OR52R1: variants seen among roughly 807,000 people sequenced by gnomAD.
OR52R1 encodes the protein olfactory receptor 52R1.
For missense variants in OR52R1, 432 were observed against 395.1 expected (o/e 1.09, Z -0.79); for synonymous variants, 159 against 150.1 (o/e 1.06, Z -0.43).
rs538354804 is a variant in OR52R1 at position 4,804,315 on chromosome 11, G to A, written c.66C>T (p.Gly22=). The change falls in exon 1 of 1, where the codon GGC becomes GGT. Residue 22 remains glycine, a synonymous_variant. Coordinates refer to ENST00000624978, the MANE Select transcript of OR52R1 (RefSeq NM_001005177.3). ...PVSFILLGIP[G]LESFQLWIAF... Reference sequence around the variant, plus strand: ...CAATCCACAACTGGAAACTCTCCAGGCCTGGGATTCCAAGCAGGATGAAGG... The same window carrying A: ...CAATCCACAACTGGAAACTCTCCAGACCTGGGATTCCAAGCAGGATGAAGG... 6.4e-5 allele frequency: 104 copies of A among 1,614,012 alleles called. 2 individuals carry two copies. The highest frequency in any genetic ancestry group is 5.8e-4 in the South Asian group (53 of 91,086).
chr11:4,804,109 T>G lies in OR52R1; in HGVS notation c.272A>C (p.His91Pro), dbSNP rs138589452. 31 of 1,613,946 alleles carry G rather than the reference T, an allele frequency of 1.9e-5. No individual in the cohort carries two copies. The highest frequency in any genetic ancestry group is 2.2e-5 in the Non-Finnish European group (26 of 1,180,022). Residue 91 changes from histidine (H) to proline (P), a missense_variant, in exon 1 of 1, where the codon CAT becomes CCT. Transcript: ENST00000624978. ...GGCATGGTACTGAATCTCATGAGCATGAAACCAGAATATGGCCAACATCTT... is the reference window on the plus strand; with the variant it reads ...GGCATGGTACTGAATCTCATGAGCAGGAAACCAGAATATGGCCAACATCTT... Reference protein sequence around the residue: ...QPKMLAIFWFHAHEIQYHACL... With the variant: ...QPKMLAIFWFPAHEIQYHACL...
chr11:4,804,164 C>T lies in OR52R1; in HGVS notation c.217G>A (p.Asp73Asn), dbSNP rs1012461941. 8.7e-6 allele frequency: 14 copies of T among 1,614,122 alleles called. No homozygotes were observed. In the Admixed American group the frequency reaches 1.5e-4, roughly 17 times the overall value. ...YLFLAMLAIT[D>N]LVLSSSTQPK... ...TGAGTGGAGGAGGAGAGGACCAGGT[C>T]AGTGATGGCCAGCATGGCCAGAAAG... Residue 73 changes from aspartate (D) to asparagine (N), a missense_variant, in exon 1 of 1, where the codon GAC (aspartate) becomes AAC (asparagine). Coordinates refer to ENST00000624978, the MANE Select transcript of OR52R1 (RefSeq NM_001005177.3).
At position 4,804,152 on chromosome 11, in the gene OR52R1, A is replaced by T; in HGVS notation, c.229T>A (p.Ser77Thr). 1 of 1,614,170 alleles carries T rather than the reference A, an allele frequency of 6.2e-7. No homozygotes were observed. The highest frequency in any genetic ancestry group is 8.5e-7 in the Non-Finnish European group (1 of 1,180,032). The stretch of plus-strand genomic sequence containing the variant: ...AACATCTTAGGTTGAGTGGAGGAGG[A>T]GAGGACCAGGTCAGTGATGGCCAGC... ...AMLAITDLVL[S>T]SSTQPKMLAI... Residue 77 changes from serine to threonine, a missense_variant, in exon 1 of 1, where the codon TCC becomes ACC. Physicochemically the swap from Ser to Thr is moderately conservative, Grantham distance 58. Coordinates refer to ENST00000624978, the MANE Select transcript of OR52R1 (RefSeq NM_001005177.3).
In OR52R1 at chr11:4,804,029, G is replaced by A; in HGVS notation, c.352C>T (p.Leu118Phe). 1 of 1,613,988 alleles carries A rather than the reference G, an allele frequency of 6.2e-7. No homozygotes were observed. Among genetic ancestry groups the A allele is most frequent in the Non-Finnish European group, 8.5e-7 (1 of 1,180,018 alleles). ...TAGCAGTCCAGGGCCATAGCCATGA[G>A]CACCCCAGACTCCACAGAAGAAAAG... ...HAFSSVESGV[L>F]MAMALDCYVA... Residue 118 changes from leucine (L) to phenylalanine (F), a missense_variant, in exon 1 of 1, where the codon CTC (leucine) becomes TTC (phenylalanine). Physicochemically the swap from Leu to Phe is conservative, Grantham distance 22. Coordinates refer to ENST00000624978, the MANE Select transcript of OR52R1 (RefSeq NM_001005177.3).
chr11:4,803,462 T>A lies in OR52R1; in HGVS notation c.919A>T (p.Ile307Phe). 1 of 1,611,024 alleles carries A rather than the reference T, an allele frequency of 6.2e-7. No homozygotes were observed. The highest frequency in any genetic ancestry group is 8.5e-7 in the Non-Finnish European group (1 of 1,177,768). ...GGGATGTTTCCACAACATCCTTGGA[T>A]AACCCTGTCCCCGATCTGTTTGGTT... Reference protein sequence around the residue: ...VRTKQIGDRVIQGCCGNIP With the variant: ...VRTKQIGDRVFQGCCGNIP The change falls in exon 1 of 1, where the codon ATC (isoleucine) becomes TTC (phenylalanine). Residue 307 changes from isoleucine to phenylalanine, a missense_variant. Coordinates refer to ENST00000624978, the MANE Select transcript of OR52R1 (RefSeq NM_001005177.3).
chr11:4,804,292 A>T lies in OR52R1; in HGVS notation c.89T>A (p.Ile30Asn). 1 of 1,614,096 alleles carries T rather than the reference A, an allele frequency of 6.2e-7. No homozygotes were observed. The highest frequency in any genetic ancestry group is 8.5e-7 in the Non-Finnish European group (1 of 1,180,002). Residue 30 changes from isoleucine to asparagine, a missense_variant, in exon 1 of 1, where the codon ATT (isoleucine) becomes AAT (asparagine). Ile to Asn is a moderately radical substitution (Grantham distance 149). Coordinates refer to ENST00000624978, the MANE Select transcript of OR52R1 (RefSeq NM_001005177.3). Reference sequence around the variant, plus strand: ...ATACGTGGCACAGAACGGAAAGGCAATCCACAACTGGAAACTCTCCAGGCC... The same window carrying T: ...ATACGTGGCACAGAACGGAAAGGCATTCCACAACTGGAAACTCTCCAGGCC... ...IPGLESFQLW[I>N]AFPFCATYAV...
Position 4,803,483 on chromosome 11 carries a change from T to C in OR52R1, c.898A>G (p.Lys300Glu). 6.2e-7 allele frequency: 1 copy of C among 1,613,946 alleles called. No homozygotes were observed. The highest frequency in any genetic ancestry group is 1.1e-5 in the South Asian group (1 of 91,032). Residue 300 changes from lysine (K) to glutamate (E), a missense_variant, in exon 1 of 1, where the codon AAA becomes GAA. Transcript: ENST00000624978. ...LNPIIYGVRT[K>E]QIGDRVIQGC... ...TGGATAACCCTGTCCCCGATCTGTT[T>C]GGTTCTAACTCCATAAATGATGGGG...
chr11:4,804,129 C>A lies in OR52R1; in HGVS notation c.252G>T (p.Met84Ile). The stretch of plus-strand genomic sequence containing the variant: ...GAGCATGAAACCAGAATATGGCCAA[C>A]ATCTTAGGTTGAGTGGAGGAGGAGA... Reference protein sequence around the residue: ...LVLSSSTQPKMLAIFWFHAHE... With the variant: ...LVLSSSTQPKILAIFWFHAHE... The change falls in exon 1 of 1, where the codon ATG (methionine) becomes ATT (isoleucine). Residue 84 changes from methionine to isoleucine, a missense_variant. Coordinates refer to ENST00000624978, the MANE Select transcript of OR52R1 (RefSeq NM_001005177.3). 1 of 1,614,070 alleles carries A rather than the reference C, an allele frequency of 6.2e-7. No homozygotes were observed. The highest frequency in any genetic ancestry group is 8.5e-7 in the Non-Finnish European group (1 of 1,180,008).
rs761915005 is a variant in OR52R1 at position 4,803,681 on chromosome 11, C to T, written c.700G>A (p.Gly234Ser). 42 of 1,613,732 alleles carry T rather than the reference C, an allele frequency of 2.6e-5. No homozygotes were observed. Among genetic ancestry groups the T allele is most frequent in the Non-Finnish European group, 3.2e-5 (38 of 1,179,990 alleles). Residue 234 changes from glycine (G) to serine (S), a missense_variant, in exon 1 of 1, where the codon GGT becomes AGT. Gly to Ser is a moderately conservative substitution (Grantham distance 56, BLOSUM62 0). Coordinates refer to ENST00000624978, the MANE Select transcript of OR52R1 (RefSeq NM_001005177.3). The part of the protein sequence containing the change: ...ILRAVLQLPS[G>S]EARLKAFSTR... ...CTAAAAGCTTTGAGGCGGGCTTCACCTGAGGGCAACTGAAGCACAGCTCTC... is the reference window on the plus strand; with the variant it reads ...CTAAAAGCTTTGAGGCGGGCTTCACTTGAGGGCAACTGAAGCACAGCTCTC...
At position 4,803,764 on chromosome 11, in the gene OR52R1, G is replaced by T. The variant is rs1472076157; in HGVS notation, c.617C>A (p.Ala206Asp). The T allele has an allele frequency of 2.5e-6, 4 of 1,613,236 alleles. No homozygotes were observed. In the South Asian group the frequency reaches 3.3e-5, roughly 13 times the overall value. Residue 206 changes from alanine to aspartate, a missense_variant, in exon 1 of 1, where the codon GCC (alanine) becomes GAC (aspartate). By Grantham distance (126) the Ala-to-Asp change is moderately radical (BLOSUM62 -2). Transcript: ENST00000624978. ...SISRGNGLFV[A>D]FSVAGFDMIV... ...CATATCAAAGCCAGCCACAGAGAAG[G>T]CCACAAAGAGCCCATTCCCACGACT...
rs1849222789 is a variant in OR52R1 at position 4,803,898 on chromosome 11, G to A, written c.483C>T (p.Pro161=). The A allele has an allele frequency of 4.3e-6, 7 of 1,613,116 alleles. No individual in the cohort carries two copies. In the East Asian group the frequency reaches 1.6e-4, roughly 36 times the overall value. Residue 161 remains proline, a synonymous_variant, in exon 1 of 1, where the codon CCC becomes CCT. Transcript: ENST00000624978. Reference sequence around the variant, plus strand: ...GCATCCTAGACACCATGAAGCAGAAGGGGCTCACCCACAGCAGCCCTCTCA... The same window carrying A: ...GCATCCTAGACACCATGAAGCAGAAAGGGCTCACCCACAGCAGCCCTCTCA... The part of the protein sequence containing the change: ...VMLRGLLWVS[P]FCFMVSRMPF...
Position 4,804,336 on chromosome 11 carries a change from G to A in OR52R1, c.45C>T (p.Phe15=), listed in dbSNP as rs61744541. 0.023 allele frequency: 36,737 copies of A among 1,614,092 alleles called. 497 individuals carry two copies. The highest frequency in any genetic ancestry group is 0.027 in the Non-Finnish European group (32,158 of 1,179,990). Residue 15 remains phenylalanine (F), a synonymous_variant, in exon 1 of 1, where the codon TTC becomes TTT. Coordinates refer to ENST00000624978, the MANE Select transcript of OR52R1 (RefSeq NM_001005177.3). The stretch of plus-strand genomic sequence containing the variant: ...CCAGGCCTGGGATTCCAAGCAGGAT[G>A]AAGGACACAGGATGAGAAGAGCTGT... ...SGNSSSHPVS[F]ILLGIPGLES...
chr11:4,803,670 G>A lies in OR52R1; in HGVS notation c.711C>T (p.Arg237=), dbSNP rs1564913371. 1.2e-6 allele frequency: 2 copies of A among 1,613,910 alleles called. No individual in the cohort carries two copies. Among genetic ancestry groups the A allele is most frequent in the Non-Finnish European group, 1.7e-6 (2 of 1,179,986 alleles). ...AVLQLPSGEA[R]LKAFSTRSSH... is the part of the protein sequence containing the mutation. ...AGGAACGTGTGCTAAAAGCTTTGAGGCGGGCTTCACCTGAGGGCAACTGAA... is the reference window on the plus strand; with the variant it reads ...AGGAACGTGTGCTAAAAGCTTTGAGACGGGCTTCACCTGAGGGCAACTGAA... The change falls in exon 1 of 1, where the codon CGC becomes CGT. Residue 237 remains arginine, a synonymous_variant. Coordinates refer to ENST00000624978, the MANE Select transcript of OR52R1 (RefSeq NM_001005177.3).
Position 4,803,968 on chromosome 11 carries a change from A to T in OR52R1, c.413T>A (p.Ile138Asn), listed in dbSNP as rs1224831774. The T allele has an allele frequency of 6.2e-7, 1 of 1,613,560 alleles. No homozygotes were observed. The highest frequency in any genetic ancestry group is 8.5e-7 in the Non-Finnish European group (1 of 1,179,970). Residue 138 changes from isoleucine to asparagine, a missense_variant, in exon 1 of 1, where the codon ATC becomes AAC. By Grantham distance (149) the Ile-to-Asn change is moderately radical. Transcript: ENST00000624978. ...TTTGATCACGACCGATGGGGTCAGG[A>T]TGCTAGAGTGTCGGAGTGGGAAGCA... Reference protein sequence around the residue: ...AICFPLRHSSILTPSVVIKLG... With the variant: ...AICFPLRHSSNLTPSVVIKLG...
In OR52R1 at chr11:4,803,600, A is replaced by T; in HGVS notation, c.781T>A (p.Ser261Thr). ...ILALYIPALF[S>T]FLTYRFGHDV... ...TGGCCAAAGCGGTAGGTGAGGAAAG[A>T]AAAAAGGGCTGGGATATAAAGAGCC... The change falls in exon 1 of 1, where the codon TCT becomes ACT. Residue 261 changes from serine to threonine, a missense_variant. Transcript: ENST00000624978. 1 of 1,614,074 alleles carries T rather than the reference A, an allele frequency of 6.2e-7. No homozygotes were observed. Among genetic ancestry groups the T allele is most frequent in the Non-Finnish European group, 8.5e-7 (1 of 1,180,016 alleles).
Position 4,803,939 on chromosome 11 carries a change from C to A in OR52R1, c.442G>T (p.Gly148Trp). 3.7e-6 allele frequency: 6 copies of A among 1,613,338 alleles called. No homozygotes were observed. The highest frequency in any genetic ancestry group is 5.1e-6 in the Non-Finnish European group (6 of 1,179,906). ...AGCCCTCTCAGCATCACGATGGTCCCCAGTTTGATCACGACCGATGGGGTC... is the reference window on the plus strand; with the variant it reads ...AGCCCTCTCAGCATCACGATGGTCCACAGTTTGATCACGACCGATGGGGTC... Reference protein sequence around the residue: ...ILTPSVVIKLGTIVMLRGLLW... With the variant: ...ILTPSVVIKLWTIVMLRGLLW... Residue 148 changes from glycine to tryptophan, a missense_variant, in exon 1 of 1, where the codon GGG (glycine) becomes TGG (tryptophan). By Grantham distance (184) the Gly-to-Trp change is radical. Coordinates refer to ENST00000624978, the MANE Select transcript of OR52R1 (RefSeq NM_001005177.3).
chr11:4,803,501 T>C lies in OR52R1; in HGVS notation c.880A>G (p.Ile294Val). The C allele has an allele frequency of 6.2e-7, 1 of 1,614,006 alleles. No individual in the cohort carries two copies. The highest frequency in any genetic ancestry group is 1.1e-5 in the South Asian group (1 of 91,060). The change falls in exon 1 of 1, where the codon ATT (isoleucine) becomes GTT (valine). Residue 294 changes from isoleucine (I) to valine (V), a missense_variant. Coordinates refer to ENST00000624978, the MANE Select transcript of OR52R1 (RefSeq NM_001005177.3). ...ATCTGTTTGGTTCTAACTCCATAAA[T>C]GATGGGGTTGAGCATGGGAGGTATC... ...LLIPPMLNPI[I>V]YGVRTKQIGD...
At position 4,804,011 on chromosome 11, in the gene OR52R1, C is replaced by T; in HGVS notation, c.370G>A (p.Asp124Asn). ...GGGAAGCAGATAGCCACGTAGCAGT[C>T]CAGGGCCATAGCCATGAGCACCCCA... ...ESGVLMAMAL[D>N]CYVAICFPLR... The change falls in exon 1 of 1, where the codon GAC becomes AAC. Residue 124 changes from aspartate (D) to asparagine (N), a missense_variant. Coordinates refer to ENST00000624978, the MANE Select transcript of OR52R1 (RefSeq NM_001005177.3). 2 of 1,613,874 alleles carry T rather than the reference C, an allele frequency of 1.2e-6. No homozygotes were observed. Among genetic ancestry groups the T allele is most frequent in the Non-Finnish European group, 1.7e-6 (2 of 1,179,992 alleles).
rs560063488 is a variant in OR52R1, at chr11:4,803,618, A to G, written c.763T>C (p.Tyr255His). Residue 255 changes from tyrosine to histidine, a missense_variant, in exon 1 of 1, where the codon TAT (tyrosine) becomes CAT (histidine). Transcript: ENST00000624978. ...AGGAAAGAAAAAAGGGCTGGGATAT[A>G]AAGAGCCAAGATGACACAGATATGG... Reference protein sequence around the residue: ...SSHICVILALYIPALFSFLTY... With the variant: ...SSHICVILALHIPALFSFLTY... 1.1e-5 allele frequency: 18 copies of G among 1,614,060 alleles called. No individual in the cohort carries two copies. The highest frequency in any genetic ancestry group is 1.4e-5 in the Non-Finnish European group (17 of 1,180,012).
Sources: allele counts gnomAD v4.1 joint callset, GRCh38; gene constraint gnomAD v4.1.1; transcripts MANE v1.5; gene names NCBI Gene and HGNC (gene_info 2026-07-23, HGNC 2026-07-21).